Variants in ZNF714 observed in about 807,000 individuals in gnomAD.
The protein encoded by ZNF714 is zinc finger protein 714.
In ZNF714, 32 loss-of-function variants were observed where a neutral mutation model predicts 46.2. The observed-to-expected ratio is 0.69, with a 90% CI of 0.52 to 0.93. The LOEUF (loss-of-function observed/expected upper bound fraction) is 0.93. ZNF714 is among the 40% of genes least tolerant of loss of function. The probability of loss-of-function intolerance (pLI) is 0.00; values close to 1 mark genes in which losing one functional copy is unlikely to be tolerated. For synonymous variants in ZNF714, 199 were observed against 213.1 expected (o/e 0.93, Z 0.58); for missense variants, 635 against 646.3 (o/e 0.98, Z 0.19).
At position 21,118,300 on chromosome 19, in the gene ZNF714, AAAT is replaced by A; in HGVS notation, c.1637_1639del (p.Lys546_Phe547delinsIle). On this transcript the variant is annotated inframe_deletion, in exon 5 of 5. Coordinates refer to ENST00000456283, the MANE Select transcript of ZNF714 (RefSeq NM_182515.4). Reference sequence around the variant, plus strand: ...AACCCCATCTCTACTAAAAATACAAAAATTTGCTGGGTGTGGTGGCAGGCGCCT... The same window carrying A: ...AACCCCATCTCTACTAAAAATACAAATTGCTGGGTGTGGTGGCAGGCGCCT... 8.8e-7 allele frequency: 1 copy of A among 1,133,902 alleles called. No individual in the cohort carries two copies. Among genetic ancestry groups the A allele is most frequent in the South Asian group, 1.5e-5 (1 of 66,666 alleles). The allele number at this position is 1,133,902 out of a possible 1,614,324, so 70.2% of individuals were successfully genotyped here. A position where few individuals can be genotyped will look rare whatever the true frequency, so the allele number is the denominator to read the frequency against.
At chr19:21,099,582 T>C (rs563387595) in intron 4 of ZNF714, among the ~76,000 whole-genome samples, 2 of 152,314 alleles carry the variant, frequency 1.3e-5, no homozygotes, top group South Asian at 4.1e-4. Flanking sequence ...TTGTTAATTT[T>C]TCTGCATAGT....
chr19:21,117,552 A>T lies in ZNF714; in HGVS notation c.888A>T (p.Arg296=), dbSNP rs1373238548. The T allele has an allele frequency of 1.2e-6, 2 of 1,606,190 alleles. No homozygotes were observed. Among genetic ancestry groups the T allele is most frequent in the East Asian group, 4.5e-5 (2 of 44,548 alleles). ...KCEECDKAFN[R]FSYLTKHKII... ...AAGAATGTGACAAAGCTTTTAACCGATTCTCATACCTTACTAAACATAAGA... is the reference window on the plus strand; with the variant it reads ...AAGAATGTGACAAAGCTTTTAACCGTTTCTCATACCTTACTAAACATAAGA... The change falls in exon 5 of 5, where the codon CGA becomes CGT. Residue 296 remains arginine, a synonymous_variant. Transcript: ENST00000456283.
At chr19:21,100,712 C>T (rs1369284854) in intron 4 of ZNF714, among the ~76,000 whole-genome samples, 2 of 151,692 alleles carry the variant, frequency 1.3e-5, no homozygotes, top group South Asian at 4.2e-4. Context: ...TTAGTTTAGA[C>T]AATTTTGTTG....
intron 4 of ZNF714, among the ~76,000 whole-genome samples, chr19:21,106,976 G>A (rs539839332): frequency 8.6e-5 from 13 of 151,936 alleles, no homozygotes; most frequent in African/African-American, 3.1e-4. Context: ...ACAGGCACAC[G>A]CTGCCACACC....
At chr19:21,094,788 A>G (rs1382675226) in intron 2 of ZNF714, among the ~76,000 whole-genome samples, 2 of 152,058 alleles carry the variant, frequency 1.3e-5, no homozygotes, top group East Asian at 3.9e-4. Context: ...TGACCTCCCA[A>G]AGTGCTGGGG....
Position 21,120,813 on chromosome 19 carries a change from T to G in ZNF714, c.*2481T>G, listed in dbSNP as rs551107500. ...AAACCGCAAATAAGTTAAAGAATAT[T>G]GTTTCTGTAGGTTAAATTTTTATTT... On this transcript the variant is annotated 3_prime_UTR_variant, in exon 5 of 5. Coordinates refer to ENST00000456283, the MANE Select transcript of ZNF714 (RefSeq NM_182515.4). 2.6e-5 allele frequency: 4 copies of G among 152,186 alleles called. No individual in the cohort carries two copies. The highest frequency in any genetic ancestry group is 5.9e-5 in the Non-Finnish European group (4 of 68,036). The allele number at this position is 152,186 out of a possible 1,614,324, so 9.4% of individuals were successfully genotyped here. A position where few individuals can be genotyped will look rare whatever the true frequency, so the allele number is the denominator to read the frequency against.
intron 1 of ZNF714, 91 bp downstream of exon 1, chr19:21,082,439 C>G (rs1968674812): frequency 7.8e-7 from 1 of 1,276,096 alleles, no homozygotes; most frequent in Non-Finnish European, 1.1e-6. Flanking sequence ...GGCCTCCCCG[C>G]AGTCAACTCT....
At chr19:21,106,502 G>A (rs151167851) in intron 4 of ZNF714, among the ~76,000 whole-genome samples, 13,558 of 147,408 alleles carry the variant, frequency 0.092, 685 homozygotes, top group Middle Eastern at 0.17. Context: ...CTGGGAGGCG[G>A]ATGTTGTAGT....
chr19:21,112,816 A>ATTTTTTTTTTTGTTTTTTTTTTTTTT (rs1969482762), intron 4 of ZNF714, among the ~76,000 whole-genome samples: 1 of 43,210 alleles, frequency 2.3e-5, no homozygotes, highest in Non-Finnish European at 4.2e-5. Flanking sequence ...TTTATTTCTG[A>ATTTTTTTTTTTGTTTTTTTTTTTTTT]TTTTTTTTTT....
At position 21,121,771 on chromosome 19, in the gene ZNF714, A is replaced by C. The variant is rs1302601206; in HGVS notation, c.*3439A>C. The C allele has an allele frequency of 1.3e-5, 2 of 152,234 alleles. No homozygotes were observed. The highest frequency in any genetic ancestry group is 6.5e-5 in the Admixed American group (1 of 15,286). 9.4% of individuals were successfully genotyped at this position (152,234 alleles called of 1,614,324 possible). ...TATTGAATTTATTACTGTACAATCC[A>C]TGACTTACAGTTCTGAACCTTTTCA... On this transcript the variant is annotated 3_prime_UTR_variant, in exon 5 of 5. Transcript: ENST00000456283.
chr19:21,099,304 G>A (rs990767804), intron 4 of ZNF714, among the ~76,000 whole-genome samples: 2 of 151,790 alleles, frequency 1.3e-5, no homozygotes, highest in African/African-American at 4.8e-5. Flanking sequence ...CAGTCTCCTG[G>A]GTAGCTGAGA....
intron 4 of ZNF714, among the ~76,000 whole-genome samples, chr19:21,105,312 G>A (rs1244224569): frequency 1.3e-5 from 2 of 151,026 alleles, no homozygotes; most frequent in East Asian, 3.9e-4. Flanking sequence ...TGAGCCACCG[G>A]GCCTGGCCTT....
intron 4 of ZNF714, 148 bp from the exon 5 acceptor site, chr19:21,116,659 A>G: frequency 1.0e-6 from 1 of 993,494 alleles, no homozygotes; most frequent in Non-Finnish European, 1.4e-6. Flanking sequence ...TGCTTTTATT[A>G]CATTTATATG....
intron 2 of ZNF714, among the ~76,000 whole-genome samples, chr19:21,096,730 A>G (rs1969049974): frequency 6.6e-6 from 1 of 152,126 alleles, no homozygotes; most frequent in Non-Finnish European, 1.5e-5. Flanking sequence ...CAAGATTCCT[A>G]TTGGGGGAAA....
At chr19:21,093,984 C>T (rs1968981746) in intron 2 of ZNF714, among the ~76,000 whole-genome samples, 1 of 152,020 alleles carries the variant, frequency 6.6e-6, no homozygotes, top group Admixed American at 6.6e-5. Flanking sequence ...TAGATTTGTT[C>T]CATGTTTTTG....
Position 21,123,338 on chromosome 19 carries a change from A to T in ZNF714, c.*5006A>T, listed in dbSNP as rs1969738434. 6.6e-6 allele frequency among the ~76,000 whole-genome samples: 1 copy of T among 151,950 alleles called. No individual in the cohort carries two copies. The highest frequency in any genetic ancestry group is 6.6e-5 in the Admixed American group (1 of 15,230). On this transcript the variant is annotated 3_prime_UTR_variant, in exon 5 of 5. Coordinates refer to ENST00000456283, the MANE Select transcript of ZNF714 (RefSeq NM_182515.4). ...AAGAGAGTTAATAGTAAACGAATTT[A>T]ATTTTCTTTTTTTATTTTTACTTTT...
rs895505719 is a variant in ZNF714, at chr19:21,118,492, G to A, written c.*160G>A. 2.2e-5 allele frequency: 8 copies of A among 361,978 alleles called. No homozygotes were observed. The highest frequency in any genetic ancestry group is 4.3e-5 in the Admixed American group (1 of 23,138). 22.4% of individuals were successfully genotyped at this position (361,978 alleles called of 1,614,324 possible). On this transcript the variant is annotated 3_prime_UTR_variant, in exon 5 of 5. Transcript: ENST00000456283. The stretch of plus-strand genomic sequence containing the variant: ...AAGAAAAGAAAATTCATACTGGAAC[G>A]AAACCCTACAATTGTGAAGAATGTG...
At chr19:21,096,851 CATTTATTTATTT>C (rs111755749) in intron 2 of ZNF714, among the ~76,000 whole-genome samples, 1 of 151,712 alleles carries the variant, frequency 6.6e-6, no homozygotes, top group Non-Finnish European at 1.5e-5. Flanking sequence ...AACAGGATGG[CATTTATTTATTT>C]ATTTATTTAT....
rs1282396777 is a variant in ZNF714, at chr19:21,117,168, TAG to T, written c.510_511del (p.Asn171PhefsTer5). ...TACATCAACATAAAAGAATTCATAT[TAG>T]AGAGAATTCTTACCAATGTGAAGAA... is the stretch of plus-strand genomic sequence containing the variant. ...HLHQHKRIHI[R>X]ENSYQCEECD... On this transcript the variant is annotated frameshift_variant, in exon 5 of 5. Coordinates refer to ENST00000456283, the MANE Select transcript of ZNF714 (RefSeq NM_182515.4). LOFTEE classifies it high-confidence loss of function. The T allele has an allele frequency of 6.2e-7, 1 of 1,614,060 alleles. No individual in the cohort carries two copies. Among genetic ancestry groups the T allele is most frequent in the Admixed American group, 1.7e-5 (1 of 60,014 alleles).
Sources: allele counts gnomAD v4.1 joint callset (sites outside exome capture counted in the v4.1 genomes callset), GRCh38; gene constraint gnomAD v4.1.1; transcripts MANE v1.5; gene names NCBI Gene and HGNC (gene_info 2026-07-23, HGNC 2026-07-21).